The following SLC49A4 variants were observed in gnomAD, a reference collection of about 807,000 sequenced individuals.
SLC49A4 encodes disrupted in renal cancer protein 2.
SLC49A4 carries 36 observed loss-of-function variants against 50.6 expected under a neutral mutation model. The observed-to-expected ratio is 0.71, with a 90% confidence interval of 0.55 to 0.94. SLC49A4 has a LOEUF of 0.94. SLC49A4 is among the 40% of genes least tolerant of loss of function. The pLI, the probability that SLC49A4 is intolerant of heterozygous loss-of-function variation, is 0.00. For synonymous variants in SLC49A4, 248 were observed against 241.2 expected, an observed-to-expected ratio of 1.03 and a Z score of -0.26; for missense variants, 503 against 605.7, an observed-to-expected ratio of 0.83 and a Z score of 1.78.
In SLC49A4 at chr3:122,879,335, A is replaced by T. The variant is rs758581334; in HGVS notation, c.1394A>T (p.Glu465Val). The part of the protein sequence containing the change: ...LSLLLILCFR[E>V]SYDRLYLDVV... ...CTCCTCCTCATTCTGTGCTTCAGGG[A>T]ATCCTATGACAGACTCTATCTTGAT... Residue 465 changes from glutamate (E) to valine (V), a missense_variant, in exon 9 of 9, where the codon GAA (glutamate) becomes GTA (valine). Glu to Val is a moderately radical substitution (Grantham distance 121). Coordinates refer to ENST00000261038, the MANE Select transcript of SLC49A4 (RefSeq NM_032839.3). 1 of 1,613,964 alleles carries T rather than the reference A, an allele frequency of 6.2e-7. No individual in the cohort carries two copies. The highest frequency in any genetic ancestry group is 1.1e-5 in the South Asian group (1 of 91,070).
chr3:122,874,609 A>G (rs1937239514), intron 8 of SLC49A4, among the ~76,000 whole-genome samples: 2 of 152,218 alleles, frequency 1.3e-5, no homozygotes, highest in Non-Finnish European at 2.9e-5. Flanking sequence ...AATAATTTCA[A>G]TGTTTCTTTT....
chr3:122,841,184 C>G (rs1461224303), intron 4 of SLC49A4, among the ~76,000 whole-genome samples: 1 of 152,050 alleles, frequency 6.6e-6, no homozygotes, highest in African/African-American at 2.4e-5. Flanking sequence ...TAAAATTGAC[C>G]ATGTGTTTGC....
At chr3:122,812,980 C>A (rs969216995) in intron 2 of SLC49A4, among the ~76,000 whole-genome samples, 1 of 152,044 alleles carries the variant, frequency 6.6e-6, no homozygotes, top group African/African-American at 2.4e-5. Context: ...AAAGGCAGGG[C>A]GTGATGCCTT....
intron 3 of SLC49A4, among the ~76,000 whole-genome samples, chr3:122,830,730 A>C (rs1191920511): frequency 6.6e-6 from 1 of 152,194 alleles, no homozygotes; most frequent in African/African-American, 2.4e-5. Flanking sequence ...GATTAGGTGA[A>C]GCCTTTTTAT....
intron 4 of SLC49A4, among the ~76,000 whole-genome samples, chr3:122,835,272 T>C (rs1936663784): frequency 6.6e-6 from 1 of 152,156 alleles, no homozygotes; most frequent in South Asian, 2.1e-4. Flanking sequence ...TAACTCATTC[T>C]ATGAAGCCAG....
At chr3:122,845,175 A>T (rs963859649) in intron 4 of SLC49A4, among the ~76,000 whole-genome samples, 2 of 151,944 alleles carry the variant, frequency 1.3e-5, no homozygotes, top group African/African-American at 4.8e-5. Context: ...GTCCATATGT[A>T]CTTGATGTTT....
In SLC49A4 at chr3:122,856,447, A is replaced by G. The variant is rs546215954; in HGVS notation, c.1010+73A>G. ...AGCCTAAAGATAAATAGGCTCCCCT[A>G]AATAAACATTACAATTCAGGGAAAA... On this transcript the variant is annotated intron_variant, in intron 6 of 8. Transcript: ENST00000261038. 2.6e-4 allele frequency: 345 copies of G among 1,315,164 alleles called. 1 individual carries two copies. Among genetic ancestry groups the G allele is most frequent in the Admixed American group, 7.6e-4 (41 of 53,932 alleles). 81.5% of individuals were successfully genotyped at this position (1,315,164 alleles called of 1,614,324 possible).
chr3:122,807,264 A>G (rs1288600951), intron 2 of SLC49A4, among the ~76,000 whole-genome samples: 1 of 152,126 alleles, frequency 6.6e-6, no homozygotes, highest in Non-Finnish European at 1.5e-5. Context: ...CAGAAGAAAT[A>G]CAAAATTGCC....
At chr3:122,870,844 T>A (rs1442618064) in intron 7 of SLC49A4, among the ~76,000 whole-genome samples, 5 of 75,134 alleles carry the variant, frequency 6.7e-5, no homozygotes, top group Non-Finnish European at 1.1e-4. Flanking sequence ...TAATAATAAT[T>A]AATTAATAAT....
At chr3:122,865,254 A>G (rs1054309649) in intron 7 of SLC49A4, among the ~76,000 whole-genome samples, 3 of 152,176 alleles carry the variant, frequency 2.0e-5, no homozygotes, top group African/African-American at 7.2e-5. Context: ...CAGATCATAT[A>G]ATGTTTATCC....
intron 4 of SLC49A4, among the ~76,000 whole-genome samples, chr3:122,844,956 A>G (rs1936828293): frequency 6.6e-6 from 1 of 152,096 alleles, no homozygotes. Context: ...ATGTGTGTAT[A>G]TATACATATA....
chr3:122,817,310 C>T (rs1371368513), intron 2 of SLC49A4, among the ~76,000 whole-genome samples: 3 of 152,154 alleles, frequency 2.0e-5, no homozygotes, highest in Admixed American at 6.5e-5. Flanking sequence ...CCTGAGCCAA[C>T]GAATGCGGGC....
intron 2 of SLC49A4, among the ~76,000 whole-genome samples, chr3:122,814,495 C>G (rs990774739): frequency 2.8e-4 from 43 of 152,224 alleles, no homozygotes; most frequent in African/African-American, 9.4e-4. Context: ...GTAGACATGG[C>G]TAACAATTGT....
rs1937306371 is a variant in SLC49A4, at chr3:122,879,418, C to G, written c.*40C>G. 1 of 1,418,808 alleles carries G rather than the reference C, an allele frequency of 7.0e-7. No individual in the cohort carries two copies. Among genetic ancestry groups the G allele is most frequent in the Non-Finnish European group, 9.9e-7 (1 of 1,007,050 alleles). The allele number at this position is 1,418,808 out of a possible 1,614,324, so 87.9% of individuals were successfully genotyped here. ...AGGAGTTTAAAAGGAGGCTGGAAAT[C>G]AATACTGCACACTGCACATTTGCTC... On this transcript the variant is annotated 3_prime_UTR_variant, in exon 9 of 9. Coordinates refer to ENST00000261038, the MANE Select transcript of SLC49A4 (RefSeq NM_032839.3).
In SLC49A4 at chr3:122,877,472, G is replaced by A. The variant is rs190204968; in HGVS notation, c.1322-1791G>A. 1.6e-4 allele frequency among the ~76,000 whole-genome samples: 24 copies of A among 152,266 alleles called. No individual in the cohort carries two copies. In the East Asian group the frequency reaches 1.9e-3, roughly 12 times the overall value. ...ATGATTTTACAATTCTAATAGTAAC[G>A]CTGAAATAAAAGATCTGTTTTGACA... is the stretch of plus-strand genomic sequence containing the variant. On this transcript the variant is annotated intron_variant, in intron 8 of 8. Coordinates refer to ENST00000261038, the MANE Select transcript of SLC49A4 (RefSeq NM_032839.3).
At chr3:122,852,743 C>T (rs967878516) in intron 5 of SLC49A4, among the ~76,000 whole-genome samples, 11 of 152,164 alleles carry the variant, frequency 7.2e-5, no homozygotes, top group Admixed American at 2.6e-4. Flanking sequence ...CACCCCACAG[C>T]AGGCCCTAAA....
intron 2 of SLC49A4, among the ~76,000 whole-genome samples, chr3:122,812,511 C>T (rs1354590747): frequency 6.6e-6 from 1 of 152,174 alleles, no homozygotes; most frequent in African/African-American, 2.4e-5. Flanking sequence ...TATTAAAATA[C>T]AGATCCCAGG....
At position 122,867,623 on chromosome 3, in the gene SLC49A4, T is replaced by C. The variant is rs927059359; in HGVS notation, c.1139-4792T>C. Among the ~76,000 whole-genome samples, 3 of 152,268 alleles carry C rather than the reference T, an allele frequency of 2.0e-5. No homozygotes were observed. In the East Asian group the frequency reaches 5.8e-4, roughly 29 times the overall value. On this transcript the variant is annotated intron_variant, in intron 7 of 8. Coordinates refer to ENST00000261038, the MANE Select transcript of SLC49A4 (RefSeq NM_032839.3). ...TTAGATGTTGATAGAATAGTTCTTATTCTTATCTGTGATTTGTTTTATAAC... is the reference window on the plus strand; with the variant it reads ...TTAGATGTTGATAGAATAGTTCTTACTCTTATCTGTGATTTGTTTTATAAC...
chr3:122,840,055 C>T (rs546856460), intron 4 of SLC49A4, among the ~76,000 whole-genome samples: 7 of 152,024 alleles, frequency 4.6e-5, no homozygotes, highest in Non-Finnish European at 8.8e-5. Context: ...ACTACTCAGC[C>T]GTAAAAAAAG....
Sources: gnomAD v4.1 joint callset for allele counts (sites outside exome capture counted in the v4.1 genomes callset) on GRCh38, gnomAD v4.1.1 for gene constraint, MANE v1.5 for transcripts, NCBI Gene and HGNC (gene_info 2026-07-23, HGNC 2026-07-21) for gene names.